Variants in PHKB observed in about 807,000 individuals in gnomAD.
PHKB encodes the protein phosphorylase b kinase regulatory subunit beta.
PHKB carries 122 observed loss-of-function variants against 152.1 expected under a neutral mutation model. The observed-to-expected ratio is 0.80, with a 90% CI of 0.69 to 0.93. The LOEUF is 0.93. Ranked by LOEUF, PHKB falls within the 40% of genes least tolerant of loss-of-function variation. The pLI, the probability that PHKB is intolerant of heterozygous loss-of-function variation, is 0.00. For synonymous variants in PHKB, 436 were observed against 464.9 expected, an observed-to-expected ratio of 0.94 and a Z score of 0.80; for missense variants, 1,304 against 1,328.4, an observed-to-expected ratio of 0.98 and a Z score of 0.29.
intron 2 of PHKB, among the ~76,000 whole-genome samples, chr16:47,499,362 T>C (rs544482128): frequency 6.6e-6 from 1 of 152,242 alleles, no homozygotes; most frequent in Non-Finnish European, 1.5e-5. Context: ...CTACTCTTTC[T>C]TGTGCATTTG....
At chr16:47,669,807 T>C (rs1973607698) in intron 26 of PHKB, among the ~76,000 whole-genome samples, 1 of 152,210 alleles carries the variant, frequency 6.6e-6, no homozygotes, top group South Asian at 2.1e-4. Flanking sequence ...AGATAAAAAT[T>C]TGGTCCTTTT....
intron 14 of PHKB, among the ~76,000 whole-genome samples, chr16:47,639,727 T>C (rs1484436927): frequency 1.3e-5 from 2 of 152,214 alleles, no homozygotes; most frequent in African/African-American, 4.8e-5. Context: ...AAATATCATC[T>C]GTATTCTGTA....
At chr16:47,562,909 C>T (rs1484091245) in intron 7 of PHKB, among the ~76,000 whole-genome samples, 1 of 152,178 alleles carries the variant, frequency 6.6e-6, no homozygotes, top group Non-Finnish European at 1.5e-5. Context: ...ATTCTAAATC[C>T]TTTGTTGTCA....
rs760883941 is a variant in PHKB at position 47,696,488 on chromosome 16, G to A, written c.3003G>A (p.Glu1001=). 5.9e-6 allele frequency: 9 copies of A among 1,520,074 alleles called. 1 individual carries two copies. In the Admixed American group the frequency reaches 1.3e-4, roughly 23 times the overall value. 94.2% of individuals were successfully genotyped at this position (1,520,074 alleles called of 1,614,324 possible). ...CACAGTACAGACAGATCGTTGTAGAGGTGAGTAGTAAGAAATGAAGATTGC... is the reference window on the plus strand; with the variant it reads ...CACAGTACAGACAGATCGTTGTAGAAGTGAGTAGTAAGAAATGAAGATTGC... ...DQPQYRQIVV[E]LLMVVSIVLE... is the part of the protein sequence containing the mutation. The change falls in exon 29 of 31, where the codon GAG becomes GAA. Residue 1001 remains glutamate (E), a splice_region_variant and synonymous_variant. Transcript: ENST00000323584.
At chr16:47,527,854 C>T (rs1285670156) in intron 6 of PHKB, among the ~76,000 whole-genome samples, 2 of 152,124 alleles carry the variant, frequency 1.3e-5, no homozygotes, top group Admixed American at 1.3e-4. Context: ...GGAAAGGCCA[C>T]ATGAGGACAA....
chr16:47,623,118 A>G (rs1448208198), intron 14 of PHKB, among the ~76,000 whole-genome samples: 1 of 152,114 alleles, frequency 6.6e-6, no homozygotes, highest in Non-Finnish European at 1.5e-5. Context: ...CTTTTGTCAT[A>G]TTTTAAATGG....
chr16:47,482,888 A>G (rs920354965), intron 1 of PHKB, among the ~76,000 whole-genome samples: 3 of 149,492 alleles, frequency 2.0e-5, no homozygotes, highest in African/African-American at 7.4e-5. Flanking sequence ...GCCTGACTAA[A>G]TTTTGTATTT....
intron 6 of PHKB, among the ~76,000 whole-genome samples, chr16:47,521,991 A>G (rs1233568564): frequency 1.3e-5 from 2 of 152,202 alleles, no homozygotes; most frequent in Non-Finnish European, 2.9e-5. Flanking sequence ...TTACATTAAT[A>G]GTCATAATGG....
chr16:47,638,421 G>A (rs1972959380), intron 14 of PHKB, among the ~76,000 whole-genome samples: 1 of 152,182 alleles, frequency 6.6e-6, no homozygotes, highest in African/African-American at 2.4e-5. Context: ...GAAATACTGT[G>A]CTTAGCACTT....
intron 20 of PHKB, among the ~76,000 whole-genome samples, chr16:47,659,660 C>T (rs1372738491): frequency 6.6e-6 from 1 of 152,018 alleles, no homozygotes; most frequent in Non-Finnish European, 1.5e-5. Flanking sequence ...ATATGGGTAG[C>T]CATATGCCAG....
chr16:47,680,148 A>G (rs1310952619), intron 26 of PHKB, among the ~76,000 whole-genome samples: 1 of 152,000 alleles, frequency 6.6e-6, no homozygotes, highest in Admixed American at 6.6e-5. Flanking sequence ...AGGCTTTTTG[A>G]TGTGTTGCTG....
At chr16:47,666,079 T>C (rs570571000) in intron 25 of PHKB, 1 of 1,366,084 alleles carries the variant, frequency 7.3e-7, no homozygotes, top group South Asian at 1.2e-5. Context: ...GTTGCAAAGA[T>C]TTCTGGCTAG....
At chr16:47,691,080 C>T (rs1035880957) in intron 27 of PHKB, among the ~76,000 whole-genome samples, 2 of 151,984 alleles carry the variant, frequency 1.3e-5, no homozygotes, top group African/African-American at 4.8e-5. Flanking sequence ...AAGAAAAGTG[C>T]ACAACATCAC....
At chr16:47,497,271 A>G (rs932682355) in intron 1 of PHKB, 128 bp from the exon 2 acceptor site, 3 of 672,282 alleles carry the variant, frequency 4.5e-6, no homozygotes, top group African/African-American at 1.8e-5. Context: ...TACAAGTAGT[A>G]AAGTATGGTA....
intron 27 of PHKB, among the ~76,000 whole-genome samples, chr16:47,689,454 A>G (rs924968618): frequency 6.6e-6 from 1 of 152,164 alleles, no homozygotes; most frequent in East Asian, 1.9e-4. Context: ...GTAACACCTC[A>G]TACCACTTTC....
chr16:47,496,833 T>A (rs1970240630), intron 1 of PHKB, among the ~76,000 whole-genome samples: 3 of 152,198 alleles, frequency 2.0e-5, no homozygotes, highest in African/African-American at 4.8e-5. Context: ...GATCTGCTTA[T>A]AGTACAGATA....
At position 47,519,096 on chromosome 16, in the gene PHKB, A is replaced by G. The variant is rs9922954; in HGVS notation, c.594+3495A>G. 4.2e-3 allele frequency among the ~76,000 whole-genome samples: 633 copies of G among 152,328 alleles called. 6 individuals carry two copies. Among genetic ancestry groups the G allele is most frequent in the African/African-American group, 0.015 (603 of 41,576 alleles). ...AGAGCACATTTAGGTTGCAAGCCTT[A>G]TAATAAAAATTGTGCACAAAACTGT... On this transcript the variant is annotated intron_variant, in intron 6 of 30. Transcript: ENST00000323584.
chr16:47,468,262 G>A (rs973528154), intron 1 of PHKB, among the ~76,000 whole-genome samples: 1 of 152,140 alleles, frequency 6.6e-6, no homozygotes. Context: ...TCTCACTACA[G>A]TCTGTTCTCT....
intron 1 of PHKB, among the ~76,000 whole-genome samples, chr16:47,495,109 T>C (rs1392924086): frequency 4.6e-5 from 7 of 152,118 alleles, no homozygotes; most frequent in Admixed American, 4.6e-4. Flanking sequence ...CTTCTATTTT[T>C]CCTCTTACTG....
Sources: gnomAD v4.1 joint callset for allele counts (sites outside exome capture counted in the v4.1 genomes callset) on GRCh38, gnomAD v4.1.1 for gene constraint, MANE v1.5 for transcripts, NCBI Gene and HGNC (gene_info 2026-07-23, HGNC 2026-07-21) for gene names.